CELF2: variants seen among roughly 807,000 people sequenced by gnomAD.
CELF2 encodes CUGBP Elav-like family member 2, also known as CUG triplet repeat RNA-binding protein 2.
In CELF2, 8 loss-of-function variants were observed where a neutral mutation model predicts 62.6. The ratio of observed to expected loss-of-function variants is 0.13; its 90% CI spans 0.07 to 0.23. The LOEUF (loss-of-function observed/expected upper bound fraction) is 0.23. Among genes scored for constraint, CELF2 ranks in the 10% least tolerant of loss-of-function variants. The probability of loss-of-function intolerance (pLI) is 1.00; values close to 1 mark genes in which losing one functional copy is unlikely to be tolerated. For synonymous variants in CELF2, 258 were observed against 250.0 expected, an observed-to-expected ratio of 1.03 and a Z score of -0.30; for missense variants, 333 against 671.0, an observed-to-expected ratio of 0.50 and a Z score of 5.56.
chr10:10,923,271 T>C (rs1278378834), intron 2 of CELF2, among the ~76,000 whole-genome samples: 1 of 152,152 alleles, frequency 6.6e-6, no homozygotes, highest in Non-Finnish European at 1.5e-5. Context: ...TGCCAACTAG[T>C]GATATGTGGC....
At chr10:10,880,351 G>A (rs1432413212) in intron 1 of CELF2, among the ~76,000 whole-genome samples, 1 of 152,136 alleles carries the variant, frequency 6.6e-6, no homozygotes, top group African/African-American at 2.4e-5. Flanking sequence ...GCAAGTGGCT[G>A]AAAAGATAAA....
the CELF2 span, among the ~76,000 whole-genome samples, chr10:10,486,426 C>T: frequency 1.6e-4 from 24 of 152,166 alleles, no homozygotes; most frequent in African/African-American, 5.5e-4. Flanking sequence ...TAATAAATTG[C>T]ATTTTTTGTC....
chr10:10,855,722 G>A (rs879603352), intron 1 of CELF2, among the ~76,000 whole-genome samples: 1 of 152,160 alleles, frequency 6.6e-6, no homozygotes, highest in Non-Finnish European at 1.5e-5. Flanking sequence ...TATGGAATAC[G>A]AGGATCCTTG....
chr10:10,720,392 C>A, the CELF2 span, among the ~76,000 whole-genome samples: 6 of 152,146 alleles, frequency 3.9e-5, no homozygotes, highest in Non-Finnish European at 8.8e-5. Flanking sequence ...GCCAGCACCC[C>A]CTTTGGGTGA....
chr10:10,578,374 T>C, the CELF2 span, among the ~76,000 whole-genome samples: 16,256 of 152,112 alleles, frequency 0.11, 1,031 homozygotes, highest in Non-Finnish European at 0.15. Context: ...AATTAGATCC[T>C]GTTTGTCAAT....
At chr10:10,816,120 C>A (rs1323652103) in intron 1 of CELF2, among the ~76,000 whole-genome samples, 1 of 152,132 alleles carries the variant, frequency 6.6e-6, no homozygotes, top group Non-Finnish European at 1.5e-5. Flanking sequence ...AAGTATAAAT[C>A]ACATCTTGAG....
At chr10:11,056,081 G>T (rs1434533237) in intron 1 of CELF2, among the ~76,000 whole-genome samples, 1 of 152,230 alleles carries the variant, frequency 6.6e-6, no homozygotes, top group Admixed American at 6.5e-5. Context: ...AAATGGGAAT[G>T]CTGAGCCCAT....
chr10:10,561,172 T>G, the CELF2 span, among the ~76,000 whole-genome samples: 4 of 152,248 alleles, frequency 2.6e-5, no homozygotes, highest in South Asian at 8.3e-4. Context: ...AAAAATAAAA[T>G]TTTTAAAAAT....
intron 2 of CELF2, among the ~76,000 whole-genome samples, chr10:11,216,174 G>C (rs1391909362): frequency 1.3e-5 from 2 of 152,294 alleles, no homozygotes; most frequent in Non-Finnish European, 2.9e-5. Flanking sequence ...AAAAGGCAAA[G>C]GTTTTGTATA....
chr10:10,850,676 C>T (rs146745100), intron 1 of CELF2, among the ~76,000 whole-genome samples: 1 of 152,194 alleles, frequency 6.6e-6, no homozygotes, highest in Non-Finnish European at 1.5e-5. Flanking sequence ...TCACACCTTA[C>T]ATGTTAGGCA....
At chr10:10,780,070 A>G in the CELF2 span, among the ~76,000 whole-genome samples, 2 of 152,128 alleles carry the variant, frequency 1.3e-5, no homozygotes, top group Non-Finnish European at 2.9e-5. Flanking sequence ...AAGTTCTGAT[A>G]TTTCTGACAG....
intron 1 of CELF2, among the ~76,000 whole-genome samples, chr10:11,066,991 G>A (rs1051918578): frequency 2.6e-5 from 4 of 152,160 alleles, no homozygotes; most frequent in African/African-American, 4.8e-5. Context: ...TAGAACTCTT[G>A]CCTACAGGTA....
chr10:10,472,142 C>T, the CELF2 span, among the ~76,000 whole-genome samples: 15 of 151,668 alleles, frequency 9.9e-5, no homozygotes, highest in Admixed American at 2.0e-4. Flanking sequence ...TGTTCTATGC[C>T]AAATTTGGGG....
At chr10:10,479,410 A>G in the CELF2 span, among the ~76,000 whole-genome samples, 4 of 152,012 alleles carry the variant, frequency 2.6e-5, no homozygotes, top group Non-Finnish European at 5.9e-5. Flanking sequence ...CTCGTGATCC[A>G]CCTACCTCGA....
At chr10:10,544,104 C>A in the CELF2 span, among the ~76,000 whole-genome samples, 1,737 of 152,286 alleles carry the variant, frequency 0.011, 33 homozygotes, top group African/African-American at 0.039. Flanking sequence ...CAGCATTCCA[C>A]CTATGAACGT....
chr10:11,187,521 A>T (rs2075257778), intron 2 of CELF2, among the ~76,000 whole-genome samples: 1 of 152,142 alleles, frequency 6.6e-6, no homozygotes, highest in Non-Finnish European at 1.5e-5. Flanking sequence ...TAATTAACAT[A>T]TAATGTAATT....
Position 10,989,217 on chromosome 10 carries a change from A to G in CELF2, c.89+69218A>G, listed in dbSNP as rs1301041579. On this transcript the variant is annotated intron_variant, in intron 2 of 13. Transcript: ENST00000636488. ...ATCCAAGTGTTCAGAACAAATACCA[A>G]TAAAAATTTCAGTAGAATTTTTTGA... Among the ~76,000 whole-genome samples the G allele has an allele frequency of 2.6e-5, 4 of 152,190 alleles. No homozygotes were observed. The South Asian group carries it at 6.2e-4, about 24-fold the overall frequency.
intron 1 of CELF2, among the ~76,000 whole-genome samples, chr10:11,136,692 G>A (rs1417586098): frequency 1.3e-5 from 2 of 152,214 alleles, no homozygotes; most frequent in Non-Finnish European, 2.9e-5. Context: ...TGCTAAGTGA[G>A]TAAGGCTAAC....
chr10:11,235,456 A>AT (rs1205451627), intron 3 of CELF2, among the ~76,000 whole-genome samples: 2 of 152,250 alleles, frequency 1.3e-5, no homozygotes, highest in African/African-American at 4.8e-5. Context: ...AAGCATATTT[A>AT]TAGAACAATT....
Sources: gnomAD v4.1 joint callset for allele counts (sites outside exome capture counted in the v4.1 genomes callset) on GRCh38, gnomAD v4.1.1 for gene constraint, MANE v1.5 for transcripts, NCBI Gene and HGNC (gene_info 2026-07-23, HGNC 2026-07-21) for gene names.